DIS3: variants seen among roughly 807,000 people sequenced by gnomAD.
DIS3 encodes exosome complex exonuclease RRP44.
A neutral mutation model predicts 113.0 loss-of-function variants in DIS3; 103 were observed. The observed-to-expected ratio is 0.91, with a 90% CI of 0.78 to 1.07. The LOEUF (loss-of-function observed/expected upper bound fraction) is 1.07, where lower values mean the gene tolerates loss of function less well. Ranked by LOEUF, DIS3 falls within the 50% of genes least tolerant of loss-of-function variation. DIS3 has a pLI of 0.00. For synonymous variants in DIS3, 402 were observed against 394.3 expected, an observed-to-expected ratio of 1.02 and a Z score of -0.23; for missense variants, 1,121 against 1,167.1, an observed-to-expected ratio of 0.96 and a Z score of 0.58.
chr13:72,773,882 A>G, intron 7 of DIS3, 61 bp from the exon 8 acceptor site: 1 of 1,592,230 alleles, frequency 6.3e-7, no homozygotes, highest in South Asian at 1.2e-5. Flanking sequence ...AGGCAAAAGA[A>G]AGGCTATAAG....
At chr13:72,773,143 AT>A (rs2033926879) in intron 8 of DIS3, among the ~76,000 whole-genome samples, 1 of 152,222 alleles carries the variant, frequency 6.6e-6, no homozygotes, top group Non-Finnish European at 1.5e-5. Flanking sequence ...CTCACTTTTC[AT>A]AGTCATGATC....
rs1427539630 is a variant in DIS3 at position 72,774,064 on chromosome 13, G to A, written c.988-5C>T. 1.7e-5 allele frequency: 27 copies of A among 1,566,616 alleles called. No individual in the cohort carries two copies. Among genetic ancestry groups the A allele is most frequent in the Non-Finnish European group, 2.2e-5 (26 of 1,158,674 alleles). On this transcript the variant is annotated splice_region_variant and splice_polypyrimidine_tract_variant and intron_variant, in intron 6 of 20. Coordinates refer to ENST00000377767, the MANE Select transcript of DIS3 (RefSeq NM_014953.5). ...CTCGCTTACAGCAGTCTTAAGCTGA[G>A]ATATAAAAATTAAAATGTTCAGTTA... is the stretch of plus-strand genomic sequence containing the variant.
At chr13:72,780,737 G>A in intron 2 of DIS3, 109 bp downstream of exon 2, 1 of 1,063,820 alleles carries the variant, frequency 9.4e-7, no homozygotes, top group Admixed American at 2.3e-5. Flanking sequence ...AATAAGGTAT[G>A]AAATCTATCA....
rs564453964 is a variant in DIS3, at chr13:72,763,481, A to G, written c.2097T>C (p.Tyr699=). 3.1e-6 allele frequency: 5 copies of G among 1,613,350 alleles called. No homozygotes were observed. The African/African-American group carries it at 5.3e-5, about 17-fold the overall frequency. ...RKHPAPPPSN[Y]EILVKAARSR... ...ACCTGGCTGCCTTAACAAGAATTTC[A>G]TAATTTGATGGAGGTGGAGCAGGAT... is the stretch of plus-strand genomic sequence containing the variant. The change falls in exon 16 of 21, where the codon TAT becomes TAC. Residue 699 remains tyrosine, a synonymous_variant. Coordinates refer to ENST00000377767, the MANE Select transcript of DIS3 (RefSeq NM_014953.5).
Position 72,768,833 on chromosome 13 carries a change from C to A in DIS3, c.1835G>T (p.Gly612Val), listed in dbSNP as rs1354296434. 6.2e-7 allele frequency: 1 copy of A among 1,610,522 alleles called. No individual in the cohort carries two copies. The highest frequency in any genetic ancestry group is 1.7e-5 in the Admixed American group (1 of 59,936). Residue 612 changes from glycine (G) to valine (V), a missense_variant, in exon 14 of 21, where the codon GGA becomes GTA. Transcript: ENST00000377767. ...MNDDITTSLRGLNKLAKILKK... is the reference protein window; with the variant it reads ...MNDDITTSLRVLNKLAKILKK... ...CAGAATTTTGGCTAGTTTATTCAGTCCACGGAGACTAGTGGTAATATCATC... is the reference window on the plus strand; with the variant it reads ...CAGAATTTTGGCTAGTTTATTCAGTACACGGAGACTAGTGGTAATATCATC...
At chr13:72,775,411 T>C (rs752541568) in intron 5 of DIS3, 36 bp from the exon 6 acceptor site, 9 of 1,554,248 alleles carry the variant, frequency 5.8e-6, no homozygotes, top group Admixed American at 2.0e-5. Context: ...GCCCAAATTA[T>C]TTTTAATGGC....
chr13:72,771,469 ACT>A (rs1378958569), intron 11 of DIS3, among the ~76,000 whole-genome samples: 2 of 152,158 alleles, frequency 1.3e-5, no homozygotes, highest in Non-Finnish European at 2.9e-5. Flanking sequence ...TACCTGACAC[ACT>A]CTATGACTGG....
intron 20 of DIS3, 103 bp downstream of exon 20, chr13:72,760,426 C>T: frequency 6.9e-7 from 1 of 1,441,794 alleles, no homozygotes; most frequent in Non-Finnish European, 9.6e-7. Flanking sequence ...ACACTACTTA[C>T]AGGGTTCCCT....
intron 19 of DIS3, 38 bp downstream of exon 19, chr13:72,761,324 GC>G: frequency 1.3e-6 from 2 of 1,562,078 alleles, no homozygotes; most frequent in Middle Eastern, 1.7e-4. Flanking sequence ...AAGAAAAAGT[GC>G]CCCCCGGAAA....
In DIS3 at chr13:72,770,924, T is replaced by C. The variant is rs1390098424; in HGVS notation, c.1735A>G (p.Lys579Glu). The part of the protein sequence containing the change: ...NAEILKTKFT[K>E]SVINSKASLT... Reference sequence around the variant, plus strand: ...CGAACCTTTGAATTAATAACACTTTTGGTAAACTTCGTTTTTAAGATTTCA... The same window carrying C: ...CGAACCTTTGAATTAATAACACTTTCGGTAAACTTCGTTTTTAAGATTTCA... The change falls in exon 13 of 21, where the codon AAA (lysine) becomes GAA (glutamate). Residue 579 changes from lysine to glutamate, a missense_variant. Lys to Glu is a moderately conservative substitution (Grantham distance 56, BLOSUM62 1). Transcript: ENST00000377767. 1.2e-6 allele frequency: 2 copies of C among 1,605,848 alleles called. No individual in the cohort carries two copies. Among genetic ancestry groups the C allele is most frequent in the African/African-American group, 1.3e-5 (1 of 74,734 alleles).
chr13:72,778,086 GA>G, intron 3 of DIS3, 100 bp downstream of exon 3: 1 of 1,085,724 alleles, frequency 9.2e-7, no homozygotes, highest in Non-Finnish European at 1.3e-6. Flanking sequence ...ATAGGACTAC[GA>G]AAATACTAAA....
rs774725351 is a variant in DIS3 at position 72,753,781 on chromosome 13, CAT to C, written c.*6012_*6013del. 164 of 1,613,240 alleles carry C rather than the reference CAT, an allele frequency of 1.0e-4. 1 individual carries two copies. The highest frequency in any genetic ancestry group is 6.3e-4 in the Admixed American group (38 of 59,998). On this transcript the variant is annotated 3_prime_UTR_variant, in exon 21 of 21. Coordinates refer to ENST00000377767, the MANE Select transcript of DIS3 (RefSeq NM_014953.5). ...TACTGCAAAGAAAGTGATGCACAAA[CAT>C]GTGAAGTTGAGAGTAAATCTCAAGC...
chr13:72,772,423 G>A (rs2033907985), intron 9 of DIS3, 148 bp from the exon 10 acceptor site: 3 of 706,012 alleles, frequency 4.2e-6, no homozygotes, highest in Non-Finnish European at 4.6e-6. Context: ...TCCTGCACTG[G>A]AGCAGAGAGA....
Position 72,781,871 on chromosome 13 carries a change from C to T in DIS3, c.-39G>A. ...GCAGAATCCTAACCCCAGCAGCGCT[C>T]TTCCAGCAAAAGGCGTCAATCTAGA... On this transcript the variant is annotated 5_prime_UTR_variant, in exon 1 of 21. Coordinates refer to ENST00000377767, the MANE Select transcript of DIS3 (RefSeq NM_014953.5). 2 of 1,491,242 alleles carry T rather than the reference C, an allele frequency of 1.3e-6. No individual in the cohort carries two copies. Among genetic ancestry groups the T allele is most frequent in the Non-Finnish European group, 1.8e-6 (2 of 1,112,248 alleles). 92.4% of individuals were successfully genotyped at this position (1,491,242 alleles called of 1,614,324 possible).
intron 12 of DIS3, 36 bp downstream of exon 12, chr13:72,771,045 C>T (rs771169874): frequency 1.2e-6 from 2 of 1,609,114 alleles, no homozygotes; most frequent in South Asian, 2.2e-5. Context: ...GTAGTAAATA[C>T]AATGTCTTCA....
At chr13:72,765,187 A>C (rs928045427) in intron 15 of DIS3, among the ~76,000 whole-genome samples, 2 of 152,290 alleles carry the variant, frequency 1.3e-5, no homozygotes, top group Admixed American at 6.5e-5. Context: ...AATAGCTAAT[A>C]TCACCCTCAC....
chr13:72,756,081 G>A lies in DIS3; in HGVS notation c.*3714C>T, dbSNP rs1033900171. 1.0e-5 allele frequency: 4 copies of A among 397,040 alleles called. No individual in the cohort carries two copies. The highest frequency in any genetic ancestry group is 1.4e-4 in the South Asian group (1 of 7,354). The allele number at this position is 397,040 out of a possible 1,614,324, so 24.6% of individuals were successfully genotyped here. A position where few individuals can be genotyped will look rare whatever the true frequency, so the allele number is the denominator to read the frequency against. On this transcript the variant is annotated 3_prime_UTR_variant, in exon 21 of 21. Coordinates refer to ENST00000377767, the MANE Select transcript of DIS3 (RefSeq NM_014953.5). ...TAAAAAACTTATATCCATGTTGGGA[G>A]TAGATGGGTATATAACAGTTTGGAA...
chr13:72,768,789 T>C lies in DIS3; in HGVS notation c.1879A>G (p.Lys627Glu). 6.3e-7 allele frequency: 1 copy of C among 1,597,330 alleles called. No homozygotes were observed. The highest frequency in any genetic ancestry group is 2.2e-5 in the East Asian group (1 of 44,632). The stretch of plus-strand genomic sequence containing the variant: ...ACTATGAAAAACAAAATATACCCTT[T>C]TTCAATCCTTCTTTTCTTCAGAATT... ...AKILKKRRIE[K>E]GALTLSSPEV... is the part of the protein sequence containing the mutation. The change falls in exon 14 of 21, where the codon AAA (lysine) becomes GAA (glutamate). Residue 627 changes from lysine to glutamate, a missense_variant. Lys to Glu is a moderately conservative substitution (Grantham distance 56). Transcript: ENST00000377767.
chr13:72,755,431 A>G lies in DIS3; in HGVS notation c.*4364T>C. ...TGAATTATAAGTTTATTTTTTATCA[A>G]TAAATATTTTTATACTTACATTGAG... On this transcript the variant is annotated 3_prime_UTR_variant, in exon 21 of 21. Coordinates refer to ENST00000377767, the MANE Select transcript of DIS3 (RefSeq NM_014953.5). 1.9e-6 allele frequency: 1 copy of G among 515,116 alleles called. No homozygotes were observed. Among genetic ancestry groups the G allele is most frequent in the Non-Finnish European group, 3.4e-6 (1 of 292,232 alleles). 31.9% of individuals were successfully genotyped at this position (515,116 alleles called of 1,614,324 possible). A position where few individuals can be genotyped will look rare whatever the true frequency, so the allele number is the denominator to read the frequency against.
Sources: gnomAD v4.1 joint callset for allele counts (sites outside exome capture counted in the v4.1 genomes callset) on GRCh38, gnomAD v4.1.1 for gene constraint, MANE v1.5 for transcripts, NCBI Gene and HGNC (gene_info 2026-07-23, HGNC 2026-07-21) for gene names.